Variants in SUGCT observed in about 807,000 individuals in gnomAD.
SUGCT encodes the protein succinyl-CoA:glutarate-CoA transferase, also known as succinyl-CoA:glutarate CoA-transferase.
Under a neutral mutation model 55.0 loss-of-function variants are expected in SUGCT, and 41 were observed. The observed-to-expected ratio is 0.74, with a 90% CI of 0.58 to 0.97. The LOEUF (loss-of-function observed/expected upper bound fraction) is 0.97. SUGCT is among the 50% of genes least tolerant of loss of function. SUGCT has a pLI of 0.00. For synonymous variants in SUGCT, 187 were observed against 200.4 expected, an observed-to-expected ratio of 0.93 and a Z score of 0.56; for missense variants, 568 against 547.8, an observed-to-expected ratio of 1.04 and a Z score of -0.37.
chr7:40,430,931 A>G (rs1787860570), intron 9 of SUGCT, among the ~76,000 whole-genome samples: 2 of 152,170 alleles, frequency 1.3e-5, no homozygotes, highest in East Asian at 1.9e-4. Context: ...CCTGGCCAAC[A>G]TGATGAAACC....
At chr7:40,478,658 G>T (rs988297802) in intron 11 of SUGCT, among the ~76,000 whole-genome samples, 9 of 152,118 alleles carry the variant, frequency 5.9e-5, no homozygotes, top group African/African-American at 2.2e-4. Flanking sequence ...ACTGCAGCAG[G>T]TTAGCACTGT....
At chr7:40,262,029 G>C (rs73316566) in intron 7 of SUGCT, among the ~76,000 whole-genome samples, 3,490 of 152,194 alleles carry the variant, frequency 0.023, 120 homozygotes, top group African/African-American at 0.08. Flanking sequence ...GGACAGACAG[G>C]CTAGATGATA....
intron 9 of SUGCT, among the ~76,000 whole-genome samples, chr7:40,327,572 A>G (rs1257852488): frequency 2.0e-5 from 3 of 152,236 alleles, no homozygotes; most frequent in Non-Finnish European, 4.4e-5. Context: ...TCTGACATAT[A>G]GTGTTTTAAA....
chr7:40,282,304 C>T (rs902459689), intron 8 of SUGCT, among the ~76,000 whole-genome samples: 2 of 151,786 alleles, frequency 1.3e-5, no homozygotes, highest in Non-Finnish European at 2.9e-5. Context: ...TCCATCTCTA[C>T]TAAAAATAAA....
intron 7 of SUGCT, among the ~76,000 whole-genome samples, chr7:40,252,349 G>A (rs1170341049): frequency 2.6e-5 from 4 of 152,078 alleles, no homozygotes; most frequent in African/African-American, 9.7e-5. Flanking sequence ...TAACTCCTGG[G>A]CTCAAGCGAT....
intron 9 of SUGCT, among the ~76,000 whole-genome samples, chr7:40,333,475 A>C (rs1796439709): frequency 1.3e-5 from 2 of 150,196 alleles, no homozygotes; most frequent in South Asian, 4.2e-4. Context: ...CATCTCTACT[A>C]AAAATATGAA....
rs150457367 is a variant in SUGCT at position 40,478,598 on chromosome 7, A to G, written c.987-17686A>G. The stretch of plus-strand genomic sequence containing the variant: ...GGTGCAGTGTTGTGATTTGATATAC[A>G]TATGCATTTTGAAGTAATCACCACA... On this transcript the variant is annotated intron_variant, in intron 11 of 13. Coordinates refer to ENST00000335693, the MANE Select transcript of SUGCT (RefSeq NM_001193313.2). Among the ~76,000 whole-genome samples the G allele has an allele frequency of 1.3e-4, 20 of 152,276 alleles. No homozygotes were observed. In the South Asian group the frequency reaches 3.1e-3, roughly 24 times the overall value.
At chr7:40,537,359 A>AT (rs913027327) in intron 12 of SUGCT, among the ~76,000 whole-genome samples, 5 of 152,142 alleles carry the variant, frequency 3.3e-5, no homozygotes, top group East Asian at 1.9e-4. Flanking sequence ...AAAAAATGCT[A>AT]TTTTTTATAT....
chr7:40,728,467 C>G (rs1055258260), intron 12 of SUGCT, among the ~76,000 whole-genome samples: 1 of 152,122 alleles, frequency 6.6e-6, no homozygotes, highest in Non-Finnish European at 1.5e-5. Flanking sequence ...TGCAGTGAGT[C>G]GAGATTGCAC....
intron 7 of SUGCT, among the ~76,000 whole-genome samples, chr7:40,257,948 T>C (rs1307181931): frequency 6.6e-5 from 10 of 152,184 alleles, no homozygotes; most frequent in Admixed American, 6.6e-4. Flanking sequence ...ATAATGGTTT[T>C]AAATTACTTT....
intron 13 of SUGCT, among the ~76,000 whole-genome samples, chr7:40,812,466 C>T (rs988973953): frequency 6.6e-6 from 1 of 151,970 alleles, no homozygotes; most frequent in African/African-American, 2.4e-5. Context: ...TATGTGTTTC[C>T]AGAAATTTAT....
rs368485069 is a variant in SUGCT, at chr7:40,313,861, G to C, written c.721-2899G>C. On this transcript the variant is annotated intron_variant, in intron 8 of 13. Transcript: ENST00000335693. ...CCTGCCTCAGCCTCCCAAAGTGCTA[G>C]GATTACAGGCATGAGCCACTGCTCC... is the stretch of plus-strand genomic sequence containing the variant. Among the ~76,000 whole-genome samples the C allele has an allele frequency of 6.6e-4, 100 of 152,098 alleles. 2 individuals carry two copies. The South Asian group carries it at 0.02, about 31-fold the overall frequency.
At chr7:40,299,769 A>G (rs1427241419) in intron 8 of SUGCT, among the ~76,000 whole-genome samples, 13 of 152,154 alleles carry the variant, frequency 8.5e-5, no homozygotes, top group African/African-American at 2.9e-4. Context: ...TTTATAGTCA[A>G]ACTGCAGATG....
At chr7:40,887,991 G>A in the SUGCT span, among the ~76,000 whole-genome samples, 1 of 94,348 alleles carries the variant, frequency 1.1e-5, no homozygotes, top group Non-Finnish European at 2.2e-5. Context: ...CATTCTACAT[G>A]CAGCATCTTT....
chr7:40,970,217 G>A, the SUGCT span, among the ~76,000 whole-genome samples: 1 of 152,080 alleles, frequency 6.6e-6, no homozygotes, highest in African/African-American at 2.4e-5. Context: ...TGTGGCCCAG[G>A]CTGGAATGCA....
chr7:40,730,081 T>C (rs1203719), intron 12 of SUGCT, among the ~76,000 whole-genome samples: 11,064 of 152,134 alleles, frequency 0.073, 1,321 homozygotes, highest in African/African-American at 0.25. Flanking sequence ...GTGGTTGGAT[T>C]TGAACACAGG....
chr7:40,139,130 AT>A (rs1787845762), intron 1 of SUGCT, among the ~76,000 whole-genome samples: 1 of 3,870 alleles, frequency 2.6e-4, no homozygotes, highest in Non-Finnish European at 9.3e-4. Context: ...TGGCTCAAAA[AT>A]AAATAAATAA....
At chr7:40,916,528 G>T in the SUGCT span, among the ~76,000 whole-genome samples, 76 of 152,300 alleles carry the variant, frequency 5.0e-4, 1 homozygote, top group Middle Eastern at 3.4e-3. Flanking sequence ...CAGATGAAAA[G>T]AGATAAACTG....
chr7:40,153,467 A>G (rs1788687961), intron 1 of SUGCT: 1 of 361,208 alleles, frequency 2.8e-6, no homozygotes, highest in Admixed American at 3.4e-5. Flanking sequence ...TGGGCATGGC[A>G]TTGACTAAAG....
Sources: gnomAD v4.1 joint callset for allele counts (sites outside exome capture counted in the v4.1 genomes callset) on GRCh38, gnomAD v4.1.1 for gene constraint, MANE v1.5 for transcripts, NCBI Gene and HGNC (gene_info 2026-07-23, HGNC 2026-07-21) for gene names.